The following PRRX2 variants were observed in gnomAD, a reference collection of about 807,000 sequenced individuals.
PRRX2 encodes paired related homeobox 2.
PRRX2 carries 11 observed loss-of-function variants against 18.0 expected under a neutral mutation model. The ratio of observed to expected loss-of-function variants is 0.61; its 90% CI spans 0.39 to 1.01. PRRX2 has a LOEUF of 1.01. Ranked by LOEUF, PRRX2 falls within the 50% of genes least tolerant of loss-of-function variation. PRRX2 has a pLI of 0.01. For synonymous variants in PRRX2, 177 were observed against 154.8 expected, an observed-to-expected ratio of 1.14 and a Z score of -1.06; for missense variants, 387 against 351.0, an observed-to-expected ratio of 1.10 and a Z score of -0.82.
intron 1 of PRRX2, among the ~76,000 whole-genome samples, chr9:129,710,375 G>A (rs989698878): frequency 1.2e-4 from 18 of 152,200 alleles, no homozygotes; most frequent in Admixed American, 1.2e-3. Flanking sequence ...GAGGACCCAA[G>A]ACCCTCCTTT....
intron 1 of PRRX2, among the ~76,000 whole-genome samples, chr9:129,708,354 T>G (rs1832581754): frequency 6.6e-6 from 1 of 152,196 alleles, no homozygotes; most frequent in Non-Finnish European, 1.5e-5. Flanking sequence ...TGTCTTTTGA[T>G]TCTAACTATC....
intron 1 of PRRX2, among the ~76,000 whole-genome samples, chr9:129,702,878 G>A (rs1471388322): frequency 2.0e-5 from 3 of 152,338 alleles, no homozygotes; most frequent in African/African-American, 7.2e-5. Flanking sequence ...GGGGGGCGGG[G>A]CAGCTCCCAG....
intron 1 of PRRX2, among the ~76,000 whole-genome samples, chr9:129,667,154 G>A (rs1369444424): frequency 5.1e-5 from 2 of 39,072 alleles, no homozygotes; most frequent in African/African-American, 4.1e-4. Flanking sequence ...CTTTCACGGG[G>A]CACCTTCTGC....
chr9:129,692,489 C>G (rs750109824), intron 1 of PRRX2, among the ~76,000 whole-genome samples: 1 of 152,140 alleles, frequency 6.6e-6, no homozygotes, highest in African/African-American at 2.4e-5. Flanking sequence ...CATAATGACA[C>G]GGATCCACCA....
rs754567369 is a variant in PRRX2 at position 129,719,247 on chromosome 9, G to T, written c.276G>T (p.Pro92=). 8 of 1,597,024 alleles carry T rather than the reference G, an allele frequency of 5.0e-6. No homozygotes were observed. The highest frequency in any genetic ancestry group is 6.8e-6 in the Non-Finnish European group (8 of 1,171,856). ...CCTCCGCAGGTGAGTGTCCCAGCCC[G>T]GGGCGCGGTAGCGCCGCCAAGCGGA... The part of the protein sequence containing the change: ...AAPQDGECPS[P]GRGSAAKRKK... Residue 92 remains proline (P), a synonymous_variant, in exon 2 of 4, where the codon CCG becomes CCT. Coordinates refer to ENST00000372469, the MANE Select transcript of PRRX2 (RefSeq NM_016307.4).
intron 1 of PRRX2, among the ~76,000 whole-genome samples, chr9:129,718,930 G>A (rs891702605): frequency 2.6e-5 from 4 of 152,104 alleles, no homozygotes; most frequent in South Asian, 2.1e-4. Flanking sequence ...GGCTCTTGCC[G>A]TGGTCCCATC....
chr9:129,688,766 C>G (rs1013661209), intron 1 of PRRX2, among the ~76,000 whole-genome samples: 2 of 152,132 alleles, frequency 1.3e-5, no homozygotes, highest in African/African-American at 4.8e-5. Flanking sequence ...CACAGGGGTT[C>G]TGGGCATCAG....
intron 1 of PRRX2, among the ~76,000 whole-genome samples, chr9:129,705,283 A>G (rs1398783665): frequency 5.9e-5 from 9 of 152,116 alleles, no homozygotes; most frequent in East Asian, 3.9e-4. Context: ...GCAGGGGCTG[A>G]GGGATATGAG....
chr9:129,668,410 TC>T (rs1164217380), intron 1 of PRRX2, among the ~76,000 whole-genome samples: 1 of 152,096 alleles, frequency 6.6e-6, no homozygotes, highest in Admixed American at 6.5e-5. Context: ...AGGAGCCCGG[TC>T]CCCTCACCAC....
At chr9:129,717,556 C>T (rs754761271) in intron 1 of PRRX2, among the ~76,000 whole-genome samples, 39 of 151,760 alleles carry the variant, frequency 2.6e-4, no homozygotes, top group Non-Finnish European at 4.7e-4. Flanking sequence ...ATTAGCAAGG[C>T]ATGTTGGTGG....
chr9:129,671,605 G>A lies in PRRX2; in HGVS notation c.259+5479G>A, dbSNP rs572982215. ...AGTCAGTGTTGCCATCTGTGGGATA[G>A]GAACAAGGGCTGTGGTATCCCTCAA... On this transcript the variant is annotated intron_variant, in intron 1 of 3. Coordinates refer to ENST00000372469, the MANE Select transcript of PRRX2 (RefSeq NM_016307.4). The surrounding 1 kb of genome is among the most constrained non-coding windows in gnomAD (Gnocchi z 4.0). Among the ~76,000 whole-genome samples the A allele has an allele frequency of 6.6e-6, 1 of 152,356 alleles. No individual in the cohort carries two copies. The highest frequency in any genetic ancestry group is 1.9e-4 in the East Asian group (1 of 5,180).
intron 1 of PRRX2, among the ~76,000 whole-genome samples, chr9:129,680,194 G>T (rs980244748): frequency 3.3e-5 from 5 of 152,080 alleles, no homozygotes; most frequent in Non-Finnish European, 5.9e-5. Flanking sequence ...CTGAGGTCAA[G>T]AGTTCGAGAC....
intron 1 of PRRX2, among the ~76,000 whole-genome samples, chr9:129,684,461 C>A (rs1222814520): frequency 2.3e-4 from 31 of 132,310 alleles, no homozygotes; most frequent in Admixed American, 5.4e-4. Context: ...CACACACACC[C>A]AACAGAAAAG....
chr9:129,699,240 T>A (rs1832465943), intron 1 of PRRX2, among the ~76,000 whole-genome samples: 1 of 152,152 alleles, frequency 6.6e-6, no homozygotes, highest in South Asian at 2.1e-4. Flanking sequence ...CTGGCCAACA[T>A]GGTGAAACCT....
chr9:129,682,540 G>C (rs368849014), intron 1 of PRRX2, among the ~76,000 whole-genome samples: 4 of 152,036 alleles, frequency 2.6e-5, no homozygotes, highest in African/African-American at 9.7e-5. Context: ...ACCCTGGGGC[G>C]GGGTGGTGAG....
intron 1 of PRRX2, among the ~76,000 whole-genome samples, chr9:129,706,456 G>A (rs772900884): frequency 3.9e-5 from 6 of 152,116 alleles, no homozygotes; most frequent in East Asian, 1.9e-4. Context: ...CCAGCTACTC[G>A]GGAGGCTGAG....
In PRRX2 at chr9:129,720,649, G is replaced by C. The variant is rs1438761296; in HGVS notation, c.501G>C (p.Leu167=). 3 of 1,613,322 alleles carry C rather than the reference G, an allele frequency of 1.9e-6. No individual in the cohort carries two copies. In the Admixed American group the frequency reaches 5.0e-5, roughly 27 times the overall value. The change falls in exon 3 of 4, where the codon CTG becomes CTC. Residue 167 remains leucine (L), a synonymous_variant. Coordinates refer to ENST00000372469, the MANE Select transcript of PRRX2 (RefSeq NM_016307.4). ...AKFRRNERAM[L]ASRSASLLKS... ...TCCGCAGGAATGAAAGGGCCATGCT[G>C]GCCAGCCGCTCTGCCTCGCTGCTCA...
At chr9:129,720,125 G>GCTCAGCAAGCGCCTCTCCCCGCGAGTC (rs764800908) in intron 2 of PRRX2, among the ~76,000 whole-genome samples, 7 of 151,870 alleles carry the variant, frequency 4.6e-5, no homozygotes, top group African/African-American at 9.7e-5. Flanking sequence ...TGAGCCGAGT[G>GCTCAGCAAGCGCCTCTCCCCGCGAGTC]CTCAGCAAGC....
chr9:129,699,665 G>A (rs956634946), intron 1 of PRRX2, among the ~76,000 whole-genome samples: 1 of 152,166 alleles, frequency 6.6e-6, no homozygotes, highest in Non-Finnish European at 1.5e-5. Flanking sequence ...TTGAGGACCT[G>A]CTATGCATCC....
Sources: allele counts gnomAD v4.1 joint callset (sites outside exome capture counted in the v4.1 genomes callset), GRCh38; gene constraint gnomAD v4.1.1; non-coding constraint Gnocchi (gnomAD v3.1); transcripts MANE v1.5; gene names NCBI Gene and HGNC (gene_info 2026-07-23, HGNC 2026-07-21).